Variants in XPO1 observed in about 807,000 individuals in gnomAD.
The protein encoded by XPO1 is exportin-1.
In XPO1, 5 loss-of-function variants were observed where a neutral mutation model predicts 133.3. The ratio of observed to expected loss-of-function variants is 0.04; its 90% CI spans 0.02 to 0.08. XPO1 has a LOEUF of 0.08. XPO1 is among the 10% of genes least tolerant of loss of function. The probability of loss-of-function intolerance (pLI) is 1.00; values close to 1 mark genes in which losing one functional copy is unlikely to be tolerated. For missense variants in XPO1, 506 were observed against 1,267.5 expected, an observed-to-expected ratio of 0.40 and a Z score of 9.12; for synonymous variants, 419 against 408.2, an observed-to-expected ratio of 1.03 and a Z score of -0.32.
At chr2:61,507,036 C>A (rs1202065065) in intron 4 of XPO1, among the ~76,000 whole-genome samples, 1 of 151,828 alleles carries the variant, frequency 6.6e-6, no homozygotes, top group African/African-American at 2.4e-5. Flanking sequence ...TCAAGACCAG[C>A]CTGGCCAACG....
chr2:61,494,989 G>GA (rs1417766131), intron 11 of XPO1, among the ~76,000 whole-genome samples: 1 of 151,766 alleles, frequency 6.6e-6, no homozygotes, highest in East Asian at 1.9e-4. Context: ...TTACAGTCAT[G>GA]TGACACCACG....
At chr2:61,487,671 A>G (rs1213688889) in intron 19 of XPO1, among the ~76,000 whole-genome samples, 12 of 152,212 alleles carry the variant, frequency 7.9e-5, no homozygotes, top group Non-Finnish European at 1.6e-4. Flanking sequence ...TCACAATTTT[A>G]CAAGTTGAGG....
At chr2:61,483,757 G>A in intron 21 of XPO1, 180 bp downstream of exon 21, 1 of 625,922 alleles carries the variant, frequency 1.6e-6, no homozygotes, top group Non-Finnish European at 2.7e-6. Flanking sequence ...TTCTGCCTAT[G>A]GACTCACTTG....
At position 61,506,090 on chromosome 2, in the gene XPO1, C is replaced by CAAAT. The variant is rs565621930; in HGVS notation, c.302-3784_302-3781dup. Among the ~76,000 whole-genome samples the CAAAT allele has an allele frequency of 3.8e-3, 579 of 151,890 alleles. 20 individuals are homozygous for CAAAT. The East Asian group carries it at 0.09, about 24-fold the overall frequency. On this transcript the variant is annotated intron_variant, in intron 4 of 24. Transcript: ENST00000401558. ...CCCAAATCCCTTCCTCAAGGCTTGC[C>CAAAT]AAATAAATAAATAAATAAATAAATG...
At chr2:61,486,559 C>T (rs142846902) in intron 19 of XPO1, among the ~76,000 whole-genome samples, 1,688 of 152,168 alleles carry the variant, frequency 0.011, 34 homozygotes, top group African/African-American at 0.038. Flanking sequence ...AGGTTCACGC[C>T]ATTCTCCTGC....
At chr2:61,489,585 C>T (rs1176284973) in intron 17 of XPO1, among the ~76,000 whole-genome samples, 3 of 150,048 alleles carry the variant, frequency 2.0e-5, no homozygotes, top group Admixed American at 6.6e-5. Context: ...GACGGAGTCT[C>T]GTTCTGTTGC....
At chr2:61,493,086 A>T in intron 12 of XPO1, 33 bp from the exon 13 acceptor site, 2 of 1,535,962 alleles carry the variant, frequency 1.3e-6, no homozygotes, top group Non-Finnish European at 1.7e-6. Context: ...CAAGAAAAAA[A>T]TCGTTAGATC....
At chr2:61,485,588 G>A in intron 20 of XPO1, 180 bp downstream of exon 20, 1 of 543,870 alleles carries the variant, frequency 1.8e-6, no homozygotes, top group Non-Finnish European at 3.0e-6. Flanking sequence ...GCCCAGGTTG[G>A]TTTCAAACTC....
rs2104288491 is a variant in XPO1, at chr2:61,482,458, C to T, written c.2894G>A (p.Gly965Glu). 6.2e-7 allele frequency: 1 copy of T among 1,613,504 alleles called. No individual in the cohort carries two copies. Among genetic ancestry groups the T allele is most frequent in the Non-Finnish European group, 8.5e-7 (1 of 1,179,790 alleles). The stretch of plus-strand genomic sequence containing the variant: ...AAAGATTTGGTTGTTAACTGGATTT[C>T]CAGGATTTAATGATGTACTTATTTT... ...EGKISTSLNP[G>E]NPVNNQIFLQ... The change falls in exon 23 of 25, where the codon GGA becomes GAA. Residue 965 changes from glycine to glutamate, a missense_variant. By Grantham distance (98) the Gly-to-Glu change is moderately conservative (BLOSUM62 -2). Transcript: ENST00000401558.
At chr2:61,496,825 A>G in intron 10 of XPO1, 54 bp downstream of exon 10, 1 of 1,415,688 alleles carries the variant, frequency 7.1e-7, no homozygotes, top group Non-Finnish European at 9.3e-7. Flanking sequence ...GGAATTTGGT[A>G]TTTTCTAAGG....
chr2:61,479,999 G>C (rs1180821611), intron 24 of XPO1, among the ~76,000 whole-genome samples: 2 of 151,984 alleles, frequency 1.3e-5, no homozygotes, highest in Non-Finnish European at 2.9e-5. Context: ...CGAGTAGCTG[G>C]GACTACAGGC....
rs986949403 is a variant in XPO1 at position 61,518,388 on chromosome 2, TAAAAAAA to T, written c.301+4216_301+4222del. On this transcript the variant is annotated intron_variant, in intron 4 of 24. Transcript: ENST00000401558. ...TAACACGGTGAAACCCCGTCTCTAC[TAAAAAAA>T]AAAACAAAAAACAAAAAACAAAACA... is the stretch of plus-strand genomic sequence containing the variant. Among the ~76,000 whole-genome samples the T allele has an allele frequency of 8.4e-4, 105 of 125,690 alleles. 1 individual carries two copies. The highest frequency in any genetic ancestry group is 4.1e-3 in the Admixed American group (51 of 12,462). 82.5% of individuals were successfully genotyped at this position (125,690 alleles called of 152,430 possible).
At chr2:61,488,400 G>C (rs1005152466) in intron 18 of XPO1, 129 bp from the exon 19 acceptor site, 6 of 1,199,906 alleles carry the variant, frequency 5.0e-6, no homozygotes, top group Non-Finnish European at 7.1e-6. Context: ...AAATTTATTG[G>C]GAAAATAAGC....
chr2:61,498,922 A>G lies in XPO1; in HGVS notation c.591-9T>C. On this transcript the variant is annotated splice_polypyrimidine_tract_variant and intron_variant, in intron 7 of 24. Transcript: ENST00000401558. ...AGAATTCATTGCACATGCTAAAAAA[A>G]AAAACACACAAAAATATCAGATTTA... is the stretch of plus-strand genomic sequence containing the variant. The G allele has an allele frequency of 6.4e-7, 1 of 1,573,104 alleles. No homozygotes were observed. The highest frequency in any genetic ancestry group is 1.4e-5 in the African/African-American group (1 of 72,856).
At position 61,502,463 on chromosome 2, in the gene XPO1, A is replaced by G. The variant is rs184828617; in HGVS notation, c.302-153T>C. ...TCACCAGTATTGGCATTTTAAAAAA[A>G]TTCCGGCCCGGTGCGGTGGCTCACG... On this transcript the variant is annotated intron_variant, in intron 4 of 24. Coordinates refer to ENST00000401558, the MANE Select transcript of XPO1 (RefSeq NM_003400.4). 7.7e-5 allele frequency: 57 copies of G among 743,420 alleles called. No homozygotes were observed. The African/African-American group carries it at 9.9e-4, about 13-fold the overall frequency. 46.1% of individuals were successfully genotyped at this position (743,420 alleles called of 1,614,324 possible).
chr2:61,499,608 C>T, intron 7 of XPO1, 105 bp downstream of exon 7: 3 of 1,121,306 alleles, frequency 2.7e-6, no homozygotes, highest in Admixed American at 3.2e-5. Context: ...AGCAATTTAA[C>T]ATATTACTGA....
chr2:61,526,498 C>T lies in XPO1; in HGVS notation c.150G>A (p.Leu50=). ...GAQQRMAQEV[L]THLKEHPDAW... ...CATCAGGATGCTCCTTTAAATGTGT[C>T]AGTACTTCTTGAGCCATTCTTTGCT... The change falls in exon 3 of 25, where the codon CTG becomes CTA. Residue 50 remains leucine, a synonymous_variant. Transcript: ENST00000401558. 2 of 1,595,114 alleles carry T rather than the reference C, an allele frequency of 1.3e-6. No homozygotes were observed. Among genetic ancestry groups the T allele is most frequent in the Non-Finnish European group, 1.7e-6 (2 of 1,174,820 alleles).
intron 21 of XPO1, chr2:61,483,513 A>T (rs1696508654): frequency 5.3e-6 from 1 of 189,178 alleles, no homozygotes; most frequent in Admixed American, 6.1e-5. Context: ...GAACTTATTC[A>T]TGTAACCAAA....
Position 61,492,867 on chromosome 2 carries a change from C to A in XPO1, c.1384+48G>T. On this transcript the variant is annotated intron_variant, in intron 13 of 24. Coordinates refer to ENST00000401558, the MANE Select transcript of XPO1 (RefSeq NM_003400.4). The surrounding 1 kb of genome is among the most constrained non-coding windows in gnomAD (Gnocchi z 5.6). ...ACATTTCCTAAAATGTATTTCCACC[C>A]CAGAATAGATTTATAAAGGTAAAGA... 1 of 1,569,098 alleles carries A rather than the reference C, an allele frequency of 6.4e-7. No homozygotes were observed.
Sources: allele counts gnomAD v4.1 joint callset (sites outside exome capture counted in the v4.1 genomes callset), GRCh38; gene constraint gnomAD v4.1.1; non-coding constraint Gnocchi (gnomAD v3.1); transcripts MANE v1.5; gene names NCBI Gene and HGNC (gene_info 2026-07-23, HGNC 2026-07-21).